The following DAB1 variants were observed in gnomAD, a reference collection of about 807,000 sequenced individuals.
DAB1 encodes the protein disabled homolog 1.
DAB1 carries 15 observed loss-of-function variants against 64.6 expected under a neutral mutation model. That is an observed-to-expected ratio of 0.23 (90% CI 0.16 to 0.36). DAB1 has a LOEUF of 0.36. Among genes scored for constraint, DAB1 ranks in the 10% least tolerant of loss-of-function variants. DAB1 has a pLI of 1.00. For synonymous variants in DAB1, 235 were observed against 251.9 expected, an observed-to-expected ratio of 0.93 and a Z score of 0.64; for missense variants, 596 against 706.7, an observed-to-expected ratio of 0.84 and a Z score of 1.78.
intron 9 of DAB1, among the ~76,000 whole-genome samples, chr1:57,048,733 A>T (rs908625120): frequency 6.6e-6 from 1 of 152,064 alleles, no homozygotes; most frequent in Non-Finnish European, 1.5e-5. Context: ...CTCCTCTTTC[A>T]TCTGTTTATA....
chr1:58,334,603 C>T (rs377546683), intron 4 of DAB1, among the ~76,000 whole-genome samples: 22 of 140,868 alleles, frequency 1.6e-4, no homozygotes, highest in Admixed American at 1.4e-3. Context: ...TATTATATTA[C>T]ATTATATTAT....
At chr1:58,370,366 AGT>A (rs1370975888) in intron 3 of DAB1, among the ~76,000 whole-genome samples, 6 of 124,566 alleles carry the variant, frequency 4.8e-5, no homozygotes, top group South Asian at 3.0e-4. Context: ...GTTACTTATG[AGT>A]GTGTGCGTGT....
At chr1:57,571,211 G>A (rs1043667748) in intron 7 of DAB1, among the ~76,000 whole-genome samples, 1 of 151,936 alleles carries the variant, frequency 6.6e-6, no homozygotes, top group Non-Finnish European at 1.5e-5. Flanking sequence ...CTCTTATCTG[G>A]TTGCTCTGGC....
chr1:57,177,540 T>C (rs1239820065), intron 2 of DAB1, among the ~76,000 whole-genome samples: 1 of 152,142 alleles, frequency 6.6e-6, no homozygotes, highest in East Asian at 1.9e-4. Flanking sequence ...CCCATGACTC[T>C]GCAAACCAAA....
chr1:58,531,635 C>T (rs1218819556), intron 1 of DAB1, among the ~76,000 whole-genome samples: 5 of 152,092 alleles, frequency 3.3e-5, no homozygotes, highest in African/African-American at 4.8e-5. Context: ...CCTCACAAAA[C>T]ATACTTTACC....
At chr1:58,162,134 T>G (rs776698550) in intron 4 of DAB1, among the ~76,000 whole-genome samples, 4 of 152,130 alleles carry the variant, frequency 2.6e-5, no homozygotes, top group Non-Finnish European at 5.9e-5. Context: ...AGGATGATTC[T>G]TCAAAGTGCA....
At chr1:58,499,855 A>G (rs2100402160) in intron 3 of DAB1, among the ~76,000 whole-genome samples, 1 of 152,260 alleles carries the variant, frequency 6.6e-6, no homozygotes, top group East Asian at 1.9e-4. Context: ...GTAACAACTA[A>G]AGTATTTATG....
intron 5 of DAB1, among the ~76,000 whole-genome samples, chr1:58,124,434 G>T (rs1652940013): frequency 6.6e-6 from 1 of 152,132 alleles, no homozygotes; most frequent in African/African-American, 2.4e-5. Context: ...ATTCAGTAAT[G>T]ATTTAGGGGC....
intron 6 of DAB1, among the ~76,000 whole-genome samples, chr1:57,756,887 G>T (rs1030167838): frequency 6.6e-6 from 1 of 152,046 alleles, no homozygotes; most frequent in African/African-American, 2.4e-5. Context: ...AATTAATCTT[G>T]GGAGATTAAG....
chr1:57,676,993 A>G (rs1330188005), intron 6 of DAB1, among the ~76,000 whole-genome samples: 2 of 152,156 alleles, frequency 1.3e-5, no homozygotes, highest in Non-Finnish European at 2.9e-5. Context: ...GTGACTGTAT[A>G]TGGAGATAGG....
At chr1:57,871,504 C>G (rs1643949143) in intron 1 of DAB1, among the ~76,000 whole-genome samples, 1 of 152,114 alleles carries the variant, frequency 6.6e-6, no homozygotes, top group African/African-American at 2.4e-5. Context: ...ATTGTAGAAC[C>G]TGCGCATCAA....
chr1:57,524,642 G>C (rs1419763742), intron 7 of DAB1, among the ~76,000 whole-genome samples: 1 of 152,134 alleles, frequency 6.6e-6, no homozygotes, highest in African/African-American at 2.4e-5. Flanking sequence ...CTTAAGGGTG[G>C]GGGAAATTAT....
chr1:57,353,650 T>G (rs1007276168), intron 1 of DAB1, among the ~76,000 whole-genome samples: 8 of 152,134 alleles, frequency 5.3e-5, no homozygotes, highest in Non-Finnish European at 8.8e-5. Flanking sequence ...TGCCAGGAAG[T>G]TAGGTAGCCT....
At chr1:57,262,045 A>G (rs1274622178) in intron 2 of DAB1, among the ~76,000 whole-genome samples, 2 of 152,158 alleles carry the variant, frequency 1.3e-5, no homozygotes, top group Non-Finnish European at 2.9e-5. Context: ...TTTGGGAGGT[A>G]GGGGTCAGCA....
intron 1 of DAB1, among the ~76,000 whole-genome samples, chr1:57,365,876 C>T (rs545397202): frequency 6.6e-6 from 1 of 152,284 alleles, no homozygotes; most frequent in South Asian, 2.1e-4. Flanking sequence ...ATCCCGTATA[C>T]TGTAAGCAAT....
chr1:57,082,948 C>G (rs1302440921), intron 4 of DAB1, among the ~76,000 whole-genome samples: 1 of 152,162 alleles, frequency 6.6e-6, no homozygotes, highest in African/African-American at 2.4e-5. Flanking sequence ...AATTTGTACT[C>G]CTGACTCTCT....
At chr1:58,124,121 T>A (rs974530672) in intron 5 of DAB1, among the ~76,000 whole-genome samples, 1 of 152,020 alleles carries the variant, frequency 6.6e-6, no homozygotes, top group Non-Finnish European at 1.5e-5. Context: ...TCTGGTATCA[T>A]CCTGTAGCAG....
intron 4 of DAB1, among the ~76,000 whole-genome samples, chr1:57,086,278 C>T (rs1030003930): frequency 3.9e-5 from 6 of 152,130 alleles, no homozygotes; most frequent in South Asian, 4.2e-4. Flanking sequence ...GCTGGGTGCC[C>T]GTCGATGGAA....
intron 7 of DAB1, among the ~76,000 whole-genome samples, chr1:57,598,782 C>G (rs1411481211): frequency 6.6e-6 from 1 of 152,114 alleles, no homozygotes; most frequent in Non-Finnish European, 1.5e-5. Context: ...AAATCAAGAT[C>G]GAGTGGCCAG....
Sources: gnomAD v4.1 joint callset for allele counts (sites outside exome capture counted in the v4.1 genomes callset) on GRCh38, gnomAD v4.1.1 for gene constraint, MANE v1.5 for transcripts, NCBI Gene and HGNC (gene_info 2026-07-23, HGNC 2026-07-21) for gene names.